The following RBFOX1 variants were observed in gnomAD, a reference collection of about 807,000 sequenced individuals.
RBFOX1 encodes RNA binding protein fox-1 homolog 1.
A neutral mutation model predicts 57.7 loss-of-function variants in RBFOX1; 8 were observed. The observed-to-expected ratio is 0.14, with a 90% CI of 0.08 to 0.25. The LOEUF (loss-of-function observed/expected upper bound fraction) is 0.25, where lower values mean the gene tolerates loss of function less well. Among genes scored for constraint, RBFOX1 ranks in the 10% least tolerant of loss-of-function variants. The pLI is 1.00. For missense variants in RBFOX1, 611 were observed against 548.5 expected, an observed-to-expected ratio of 1.11 and a Z score of -1.14; for synonymous variants, 326 against 222.4, an observed-to-expected ratio of 1.47 and a Z score of -4.15.
intron 1 of RBFOX1, among the ~76,000 whole-genome samples, chr16:5,429,264 A>G (rs1451347486): frequency 2.6e-5 from 4 of 152,178 alleles, no homozygotes; most frequent in Non-Finnish European, 5.9e-5. Flanking sequence ...GCAGGTATTC[A>G]GCTCTCTGGG....
chr16:6,619,855 C>T (rs558944660), intron 2 of RBFOX1, among the ~76,000 whole-genome samples: 1 of 152,078 alleles, frequency 6.6e-6, no homozygotes, highest in Non-Finnish European at 1.5e-5. Context: ...TGTCTCCCTC[C>T]TCCCACCCTC....
At chr16:7,265,633 G>T (rs1423492779) in intron 4 of RBFOX1, among the ~76,000 whole-genome samples, 6 of 151,954 alleles carry the variant, frequency 3.9e-5, no homozygotes, top group Non-Finnish European at 8.8e-5. Context: ...ATTTTTAGTA[G>T]AGACGAGTCT....
chr16:6,019,804 G>T lies in RBFOX1; in HGVS notation c.-315G>T, dbSNP rs980117183. Reference sequence around the variant, plus strand: ...GTCCCCGCCTGTCCGGACCCTCGCCGCGCCCAGGCAGGCGCGCCAGGGCGG... The same window carrying T: ...GTCCCCGCCTGTCCGGACCCTCGCCTCGCCCAGGCAGGCGCGCCAGGGCGG... On this transcript the variant is annotated 5_prime_UTR_variant, in exon 1 of 16. Coordinates refer to ENST00000550418, the MANE Select transcript of RBFOX1 (RefSeq NM_018723.4). This position sits in a 1 kb window ranked among gnomAD's most constrained non-coding sequence, Gnocchi z 4.2. 1 of 1,489,210 alleles carries T rather than the reference G, an allele frequency of 6.7e-7. No homozygotes were observed. The highest frequency in any genetic ancestry group is 8.9e-7 in the Non-Finnish European group (1 of 1,118,604). The allele number at this position is 1,489,210 out of a possible 1,614,324, so 92.2% of individuals were successfully genotyped here.
intron 3 of RBFOX1, among the ~76,000 whole-genome samples, chr16:5,685,163 T>A (rs1275391202): frequency 6.6e-6 from 1 of 152,186 alleles, no homozygotes; most frequent in Admixed American, 6.5e-5. Context: ...ACTGTGTAAG[T>A]TGGAGAACTA....
At chr16:7,403,564 C>CA (rs2098280216) in intron 4 of RBFOX1, among the ~76,000 whole-genome samples, 1 of 34,190 alleles carries the variant, frequency 2.9e-5, no homozygotes, top group African/African-American at 1.2e-4. Context: ...TGAGAGAATC[C>CA]CCCCCCCCCC....
At chr16:7,143,940 TTG>T (rs1369298060) in intron 4 of RBFOX1, among the ~76,000 whole-genome samples, 1 of 152,192 alleles carries the variant, frequency 6.6e-6, no homozygotes, top group Non-Finnish European at 1.5e-5. Context: ...TGGAATAATC[TTG>T]TTAGTTTTTT....
intron 4 of RBFOX1, among the ~76,000 whole-genome samples, chr16:7,187,939 C>T (rs953211296): frequency 7.9e-5 from 12 of 152,128 alleles, no homozygotes; most frequent in African/African-American, 2.9e-4. Context: ...GGTCAAATCA[C>T]AGCACTTTAA....
chr16:6,694,002 T>C (rs1416134185), intron 3 of RBFOX1, among the ~76,000 whole-genome samples: 1 of 152,278 alleles, frequency 6.6e-6, no homozygotes, highest in Non-Finnish European at 1.5e-5. Context: ...ATTACTTTGT[T>C]ACAAGTTTAG....
chr16:5,758,498 G>A (rs2053477734), intron 3 of RBFOX1, among the ~76,000 whole-genome samples: 1 of 152,184 alleles, frequency 6.6e-6, no homozygotes, highest in Non-Finnish European at 1.5e-5. Flanking sequence ...TTGGATGAGA[G>A]CATTGCTTGG....
intron 2 of RBFOX1, among the ~76,000 whole-genome samples, chr16:5,589,520 C>G (rs2046938795): frequency 2.0e-5 from 3 of 152,098 alleles, no homozygotes; most frequent in Non-Finnish European, 4.4e-5. Context: ...TTGTCCAAGG[C>G]CATATAGCTC....
At chr16:5,812,216 A>G (rs927104296) in intron 3 of RBFOX1, among the ~76,000 whole-genome samples, 11 of 152,190 alleles carry the variant, frequency 7.2e-5, no homozygotes, top group Admixed American at 5.2e-4. Context: ...GTTTATTTAC[A>G]GGGTTTGGTC....
intron 4 of RBFOX1, among the ~76,000 whole-genome samples, chr16:5,988,568 C>G (rs959722760): frequency 7.9e-5 from 12 of 152,136 alleles, no homozygotes; most frequent in African/African-American, 2.7e-4. Context: ...TCCTGCCACC[C>G]TGCTTGGCGG....
At chr16:6,330,161 C>G (rs1242170171) in intron 2 of RBFOX1, among the ~76,000 whole-genome samples, 1 of 152,008 alleles carries the variant, frequency 6.6e-6, no homozygotes, top group African/African-American at 2.4e-5. Flanking sequence ...TGCAAATATT[C>G]TAATAAAAAA....
At chr16:6,694,829 G>A (rs1244124747) in intron 3 of RBFOX1, among the ~76,000 whole-genome samples, 1 of 152,028 alleles carries the variant, frequency 6.6e-6, no homozygotes. Flanking sequence ...CACAGTGATT[G>A]GACAGACCTG....
At chr16:5,897,609 G>T (rs2058199294) in intron 4 of RBFOX1, among the ~76,000 whole-genome samples, 1 of 152,140 alleles carries the variant, frequency 6.6e-6, no homozygotes, top group African/African-American at 2.4e-5. Flanking sequence ...ATGTGGTTCA[G>T]CACCTGGGAA....
At chr16:6,789,136 A>T (rs980133143) in intron 3 of RBFOX1, among the ~76,000 whole-genome samples, 1 of 150,614 alleles carries the variant, frequency 6.6e-6, no homozygotes, top group Non-Finnish European at 1.5e-5. Flanking sequence ...GTGAAAAATT[A>T]CCGCCTGCCC....
chr16:7,472,714 T>A (rs978441602), intron 4 of RBFOX1, among the ~76,000 whole-genome samples: 1 of 152,218 alleles, frequency 6.6e-6, no homozygotes, highest in Non-Finnish European at 1.5e-5. Context: ...TAGCATGTGA[T>A]CATATGACAG....
At chr16:6,331,147 G>A (rs1381205789) in intron 2 of RBFOX1, among the ~76,000 whole-genome samples, 3 of 152,284 alleles carry the variant, frequency 2.0e-5, no homozygotes, top group African/African-American at 4.8e-5. Context: ...GAACAGTTAA[G>A]TGGGTTATTG....
At chr16:5,601,265 G>C (rs1242857479), downstream of RBFOX1, 1 of 152,350 alleles carries the variant, frequency 6.6e-6, no homozygotes, top group African/African-American at 2.4e-5. Context: ...GGCTGGAGTG[G>C]GGCTAGAGGG....
Sources: allele counts gnomAD v4.1 joint callset (sites outside exome capture counted in the v4.1 genomes callset), GRCh38; gene constraint gnomAD v4.1.1; non-coding constraint Gnocchi (gnomAD v3.1); transcripts MANE v1.5; gene names NCBI Gene and HGNC (gene_info 2026-07-23, HGNC 2026-07-21).